Variants in DYNC2H1 observed in about 807,000 individuals in gnomAD.
DYNC2H1 encodes the protein dynein cytoplasmic 2 heavy chain 1.
In DYNC2H1, 410 loss-of-function variants were observed where a neutral mutation model predicts 570.0. The observed-to-expected ratio is 0.72, with a 90% CI of 0.66 to 0.78. The LOEUF (loss-of-function observed/expected upper bound fraction) is 0.78, where lower values mean the gene tolerates loss of function less well. DYNC2H1 is among the 30% of genes least tolerant of loss of function. The pLI is 0.00. For synonymous variants in DYNC2H1, 1,688 were observed against 1,677.6 expected (o/e 1.01, Z -0.15); for missense variants, 4,865 against 5,046.4 (o/e 0.96, Z 1.09).
At chr11:103,402,370 G>A (rs11225768) in intron 84 of DYNC2H1, 8,034 of 152,228 alleles carry the variant, frequency 0.053, 259 homozygotes, top group Non-Finnish European at 0.076. Flanking sequence ...TTGGACAATT[G>A]TTGTACGGTG....
intron 87 of DYNC2H1, among the ~76,000 whole-genome samples, chr11:103,459,400 A>G (rs1017120408): frequency 2.6e-5 from 4 of 151,674 alleles, no homozygotes; most frequent in African/African-American, 9.7e-5. Context: ...ACTATTTTCT[A>G]ACATACTGTC....
intron 83 of DYNC2H1, among the ~76,000 whole-genome samples, chr11:103,367,357 A>T (rs774171136): frequency 2.0e-5 from 3 of 152,160 alleles, no homozygotes; most frequent in Non-Finnish European, 4.4e-5. Context: ...AAAGTTTTAA[A>T]ATCATCTAGG....
rs1206653985 is a variant in DYNC2H1 at position 103,181,714 on chromosome 11, A to C, written c.6348-43A>C. On this transcript the variant is annotated intron_variant, in intron 39 of 88. Coordinates refer to ENST00000375735, the MANE Select transcript of DYNC2H1 (RefSeq NM_001377.3). This position sits in a 1 kb window ranked among gnomAD's most constrained non-coding sequence, Gnocchi z 5.0. ...GAAATTTATTTTAATGTAAATTGAT[A>C]ATTTCTTCCTAAGTAATTTTTTATT... 6.7e-7 allele frequency: 1 copy of C among 1,487,934 alleles called. No individual in the cohort carries two copies. Among genetic ancestry groups the C allele is most frequent in the East Asian group, 2.5e-5 (1 of 40,030 alleles). 92.2% of individuals were successfully genotyped at this position (1,487,934 alleles called of 1,614,324 possible).
chr11:103,430,322 C>T (rs1394156253), intron 84 of DYNC2H1, among the ~76,000 whole-genome samples: 3 of 152,084 alleles, frequency 2.0e-5, no homozygotes, highest in East Asian at 3.9e-4. Context: ...TACCCACTTC[C>T]GAGGGTTGTC....
At chr11:103,179,426 T>C (rs1399825545) in intron 39 of DYNC2H1, among the ~76,000 whole-genome samples, 193 bp downstream of exon 39, 1 of 151,850 alleles carries the variant, frequency 6.6e-6, no homozygotes, top group Non-Finnish European at 1.5e-5. Context: ...TTTTAGGAGT[T>C]TTAGTTGTAT....
At chr11:103,236,350 C>A (rs953248044) in intron 62 of DYNC2H1, 80 bp from the exon 63 acceptor site, 1 of 889,488 alleles carries the variant, frequency 1.1e-6, no homozygotes, top group Non-Finnish European at 1.9e-6. Context: ...ACTTTTGTTT[C>A]GGAATAAATA....
intron 79 of DYNC2H1, among the ~76,000 whole-genome samples, chr11:103,313,766 A>C (rs1485726219): frequency 6.6e-6 from 1 of 152,220 alleles, no homozygotes; most frequent in Non-Finnish European, 1.5e-5. Flanking sequence ...TCTGATTTGT[A>C]GCCTGTCAAT....
chr11:103,315,423 A>G (rs1937768747), intron 79 of DYNC2H1, among the ~76,000 whole-genome samples: 1 of 151,974 alleles, frequency 6.6e-6, no homozygotes, highest in African/African-American at 2.4e-5. Flanking sequence ...TCCTTCCCAA[A>G]CCTTGTATTC....
intron 82 of DYNC2H1, among the ~76,000 whole-genome samples, chr11:103,346,170 A>G (rs1020814665): frequency 6.6e-6 from 1 of 152,216 alleles, no homozygotes; most frequent in Admixed American, 6.5e-5. Flanking sequence ...AATTGCATCG[A>G]ATGGCTTTTA....
chr11:103,255,266 G>A (rs1156597942), intron 66 of DYNC2H1, 149 bp from the exon 67 acceptor site: 14 of 816,314 alleles, frequency 1.7e-5, no homozygotes, highest in Non-Finnish European at 2.5e-5. Flanking sequence ...ATTGTTGAAG[G>A]TGTCTTATGT....
chr11:103,195,469 A>T (rs1318018780), intron 47 of DYNC2H1, among the ~76,000 whole-genome samples: 1 of 152,164 alleles, frequency 6.6e-6, no homozygotes, highest in Non-Finnish European at 1.5e-5. Context: ...AATTGGTAAC[A>T]TGGGTCTATT....
rs190645976 is a variant in DYNC2H1 at position 103,267,028 on chromosome 11, C to T, written c.10695+7051C>T. Among the ~76,000 whole-genome samples the T allele has an allele frequency of 1.1e-4, 17 of 152,328 alleles. No individual in the cohort carries two copies. In the East Asian group the frequency reaches 3.3e-3, roughly 29 times the overall value. ...ACCCCCTGGGCTCCACATCAGCTGG[C>T]TTGCTGCCCCTACCACTTCTGTAAG... On this transcript the variant is annotated intron_variant, in intron 70 of 88. Transcript: ENST00000375735.
Position 103,199,215 on chromosome 11 carries a change from A to AT in DYNC2H1, c.7840-6dup, listed in dbSNP as rs886047567. ...CTTATATTAATTATAAAATATTCTGATTTTTTTAAAAGGGTCTTATTCATT... is the reference window on the plus strand; with the variant it reads ...CTTATATTAATTATAAAATATTCTGATTTTTTTTAAAAGGGTCTTATTCATT... On this transcript the variant is annotated splice_polypyrimidine_tract_variant and intron_variant, in intron 48 of 88. Transcript: ENST00000375735. This position sits in a 1 kb window ranked among gnomAD's most constrained non-coding sequence, Gnocchi z 4.6. The AT allele has an allele frequency of 2.4e-5, 35 of 1,473,588 alleles. No homozygotes were observed. The highest frequency in any genetic ancestry group is 8.1e-5 in the Admixed American group (4 of 49,122). 91.3% of individuals were successfully genotyped at this position (1,473,588 alleles called of 1,614,324 possible).
chr11:103,257,583 C>G, intron 68 of DYNC2H1, 25 bp from the exon 69 acceptor site: 2 of 1,597,294 alleles, frequency 1.3e-6, no homozygotes, highest in Non-Finnish European at 1.7e-6. Context: ...TCCACCCTAT[C>G]CCCTACTGAT....
In DYNC2H1 at chr11:103,458,158, G is replaced by A. The variant is rs190096480; in HGVS notation, c.12648+1802G>A. Reference sequence around the variant, plus strand: ...CTTTCAAACTCCATTCATGGTAAGTGCCCTGAACAGGTATAGGATTTTTTT... The same window carrying A: ...CTTTCAAACTCCATTCATGGTAAGTACCCTGAACAGGTATAGGATTTTTTT... On this transcript the variant is annotated intron_variant, in intron 87 of 88. Coordinates refer to ENST00000375735, the MANE Select transcript of DYNC2H1 (RefSeq NM_001377.3). Among the ~76,000 whole-genome samples the A allele has an allele frequency of 2.5e-3, 375 of 152,284 alleles. 1 individual carries two copies. The highest frequency in any genetic ancestry group is 0.017 in the Middle Eastern group (5 of 294).
At chr11:103,339,152 C>T (rs1015938485) in intron 82 of DYNC2H1, among the ~76,000 whole-genome samples, 2 of 151,972 alleles carry the variant, frequency 1.3e-5, no homozygotes, top group African/African-American at 4.8e-5. Flanking sequence ...GAGTCTCTTG[C>T]TCTTCCCACT....
At chr11:103,317,154 A>G (rs1410817799) in intron 80 of DYNC2H1, among the ~76,000 whole-genome samples, 1 of 152,118 alleles carries the variant, frequency 6.6e-6, no homozygotes, top group Non-Finnish European at 1.5e-5. Context: ...ACTAGAGTTT[A>G]GACCAATGAT....
At chr11:103,329,653 T>A (rs1938676471) in intron 82 of DYNC2H1, among the ~76,000 whole-genome samples, 8 of 152,036 alleles carry the variant, frequency 5.3e-5, no homozygotes. Flanking sequence ...CTTACAGGAT[T>A]CTGAGTTATT....
intron 70 of DYNC2H1, among the ~76,000 whole-genome samples, chr11:103,272,831 CCTA>C (rs1293282904): frequency 1.3e-5 from 2 of 151,582 alleles, no homozygotes; most frequent in Admixed American, 6.6e-5. Context: ...CATCTAATGG[CCTA>C]CTGTCATTTA....
Sources: gnomAD v4.1 joint callset for allele counts (sites outside exome capture counted in the v4.1 genomes callset) on GRCh38, gnomAD v4.1.1 for gene constraint, Gnocchi (gnomAD v3.1) non-coding constraint, MANE v1.5 for transcripts, NCBI Gene and HGNC (gene_info 2026-07-23, HGNC 2026-07-21) for gene names.